The following ZNF771 variants were observed in gnomAD, a reference collection of about 807,000 sequenced individuals.
ZNF771 encodes zinc finger protein 771, also known as mesenchymal stem cell protein DSC43.
A neutral mutation model predicts 27.6 loss-of-function variants in ZNF771; 10 were observed. The ratio of observed to expected loss-of-function variants is 0.36; its 90% CI spans 0.22 to 0.61. The LOEUF (loss-of-function observed/expected upper bound fraction) is 0.61, where lower values mean the gene tolerates loss of function less well. ZNF771 is among the 20% of genes least tolerant of loss of function. ZNF771 has a pLI of 0.70. For missense variants in ZNF771, 438 were observed against 503.7 expected (o/e 0.87, Z 1.25); for synonymous variants, 261 against 225.2 (o/e 1.16, Z -1.43).
chr16:30,415,343 C>T (rs2050127719), intron 2 of ZNF771, among the ~76,000 whole-genome samples: 1 of 150,434 alleles, frequency 6.6e-6, no homozygotes, highest in Non-Finnish European at 1.5e-5. Context: ...CCTCCTGCAG[C>T]TTCAGAAACA....
chr16:30,417,331 G>A (rs1342160691), intron 2 of ZNF771, among the ~76,000 whole-genome samples: 1 of 152,240 alleles, frequency 6.6e-6, no homozygotes, highest in Non-Finnish European at 1.5e-5. Context: ...AGTAAATATT[G>A]GTTGAATTAA....
chr16:30,416,751 C>G (rs986833547), intron 2 of ZNF771, among the ~76,000 whole-genome samples: 3 of 151,912 alleles, frequency 2.0e-5, no homozygotes, highest in Admixed American at 6.6e-5. Context: ...CTGCTCAAAG[C>G]CCTCTGACAT....
At chr16:30,414,035 A>G (rs1363478171) in intron 2 of ZNF771, 1 of 152,150 alleles carries the variant, frequency 6.6e-6, no homozygotes, top group Non-Finnish European at 1.5e-5. Context: ...TGTATGGAGA[A>G]TTTCTTTTTC....
chr16:30,417,508 C>T, intron 2 of ZNF771, 47 bp from the exon 3 acceptor site: 2 of 1,179,866 alleles, frequency 1.7e-6, no homozygotes, highest in Non-Finnish European at 2.1e-6. Flanking sequence ...AGGTCTCTGG[C>T]TCCGGGGCCT....
chr16:30,411,507 G>C (rs779804318), intron 2 of ZNF771, among the ~76,000 whole-genome samples: 2 of 152,188 alleles, frequency 1.3e-5, no homozygotes, highest in Non-Finnish European at 2.9e-5. Context: ...GACATGGCTA[G>C]TCATGAAAGG....
intron 2 of ZNF771, among the ~76,000 whole-genome samples, chr16:30,416,351 C>G (rs1009385038): frequency 4.6e-5 from 7 of 152,126 alleles, no homozygotes; most frequent in Non-Finnish European, 1.0e-4. Context: ...GTCAAGAAGC[C>G]GTGACACCAT....
chr16:30,411,724 C>T (rs2050104773), intron 2 of ZNF771, among the ~76,000 whole-genome samples: 1 of 152,134 alleles, frequency 6.6e-6, no homozygotes, highest in African/African-American at 2.4e-5. Flanking sequence ...CTGTTAGCAT[C>T]GTGCCCAGAA....
chr16:30,408,978 T>G (rs554659948), intron 2 of ZNF771, among the ~76,000 whole-genome samples: 10 of 150,654 alleles, frequency 6.6e-5, no homozygotes, highest in Non-Finnish European at 8.9e-5. Context: ...GGCTAATTTT[T>G]TTTTGTTTTG....
At chr16:30,411,927 T>A (rs1465919818) in intron 2 of ZNF771, among the ~76,000 whole-genome samples, 1 of 152,216 alleles carries the variant, frequency 6.6e-6, no homozygotes, top group Non-Finnish European at 1.5e-5. Context: ...CCCTCTGCCA[T>A]CAAAACCCAA....
chr16:30,416,776 C>G (rs1343798869), intron 2 of ZNF771, among the ~76,000 whole-genome samples: 2 of 152,080 alleles, frequency 1.3e-5, no homozygotes, highest in African/African-American at 4.8e-5. Flanking sequence ...TCTTACAGGT[C>G]CCTGTCTCCT....
At chr16:30,416,206 G>A (rs569400955) in intron 2 of ZNF771, among the ~76,000 whole-genome samples, 1 of 152,190 alleles carries the variant, frequency 6.6e-6, no homozygotes, top group South Asian at 2.1e-4. Flanking sequence ...TCCCCATCTT[G>A]CTGCCCTAGG....
chr16:30,408,315 AGGATT>A lies in ZNF771; in HGVS notation c.141+124_141+128del, dbSNP rs2050087776. The A allele has an allele frequency of 1.6e-5, 23 of 1,393,960 alleles. No homozygotes were observed. The South Asian group carries it at 2.9e-4, about 18-fold the overall frequency. The allele number at this position is 1,393,960 out of a possible 1,614,324, so 86.3% of individuals were successfully genotyped here. The stretch of plus-strand genomic sequence containing the variant: ...CCCAGAATCTCGGATCTAAAACCTC[AGGATT>A]GGCCCATCCTTCTGCCCTACTGCCT... On this transcript the variant is annotated intron_variant, in intron 2 of 2. Coordinates refer to ENST00000319296, the MANE Select transcript of ZNF771 (RefSeq NM_001142305.2).
At chr16:30,415,633 G>A (rs752422274) in intron 2 of ZNF771, among the ~76,000 whole-genome samples, 12 of 151,850 alleles carry the variant, frequency 7.9e-5, no homozygotes, top group Non-Finnish European at 1.6e-4. Context: ...CACCTGCCTC[G>A]GCCTCCCAAA....
chr16:30,416,910 C>A (rs1487016512), intron 2 of ZNF771, among the ~76,000 whole-genome samples: 1 of 147,454 alleles, frequency 6.8e-6, no homozygotes, highest in Non-Finnish European at 1.5e-5. Flanking sequence ...CACGGCAAGA[C>A]CCTGTCTCTT....
intron 2 of ZNF771, among the ~76,000 whole-genome samples, chr16:30,415,382 CTT>C (rs397854803): frequency 2.6e-4 from 34 of 132,208 alleles, no homozygotes; most frequent in African/African-American, 7.6e-4. Flanking sequence ...TGCTGTCACC[CTT>C]TTTTTTTTTT....
intron 2 of ZNF771, among the ~76,000 whole-genome samples, chr16:30,409,062 C>T (rs1479288345): frequency 6.6e-6 from 1 of 151,930 alleles, no homozygotes; most frequent in Non-Finnish European, 1.5e-5. Context: ...GCAGCCTCCA[C>T]CTCCCGGGTT....
intron 2 of ZNF771, among the ~76,000 whole-genome samples, chr16:30,412,986 G>C (rs928720499): frequency 2.0e-5 from 3 of 152,166 alleles, no homozygotes; most frequent in African/African-American, 7.2e-5. Flanking sequence ...GAAAGCCATG[G>C]CGAGAATTTA....
Position 30,418,551 on chromosome 16 carries a change from T to G in ZNF771, c.*184T>G. On this transcript the variant is annotated 3_prime_UTR_variant, in exon 3 of 3. Coordinates refer to ENST00000319296, the MANE Select transcript of ZNF771 (RefSeq NM_001142305.2). ...GGAAACAGTGCCCACCCCACATCAC[T>G]ACATTCCCTCGGCCCGTGTTAGTGA... is the stretch of plus-strand genomic sequence containing the variant. 1.9e-6 allele frequency: 1 copy of G among 534,598 alleles called. No homozygotes were observed. 33.1% of individuals were successfully genotyped at this position (534,598 alleles called of 1,614,324 possible). A position where few individuals can be genotyped will look rare whatever the true frequency, so the allele number is the denominator to read the frequency against.
chr16:30,412,685 G>C (rs939274599), intron 2 of ZNF771, among the ~76,000 whole-genome samples: 2 of 152,116 alleles, frequency 1.3e-5, no homozygotes, highest in African/African-American at 2.4e-5. Flanking sequence ...CCAGCTATTT[G>C]GGGGGTTGAG....
Sources: gnomAD v4.1 joint callset for allele counts (sites outside exome capture counted in the v4.1 genomes callset) on GRCh38, gnomAD v4.1.1 for gene constraint, MANE v1.5 for transcripts, NCBI Gene and HGNC (gene_info 2026-07-23, HGNC 2026-07-21) for gene names.